Variants in DLG2 observed in about 807,000 individuals in gnomAD.
DLG2 encodes the protein disks large homolog 2.
Under a neutral mutation model 132.5 loss-of-function variants are expected in DLG2, and 45 were observed. That is an observed-to-expected ratio of 0.34 (90% confidence interval 0.27 to 0.44). The LOEUF (loss-of-function observed/expected upper bound fraction) is 0.44, where lower values mean the gene tolerates loss of function less well. Among genes scored for constraint, DLG2 ranks in the 20% least tolerant of loss-of-function variants. The probability of loss-of-function intolerance (pLI) is 1.00; values close to 1 mark genes in which losing one functional copy is unlikely to be tolerated. For missense variants in DLG2, 1,045 were observed against 1,196.9 expected (o/e 0.87, Z 1.87); for synonymous variants, 424 against 419.6 (o/e 1.01, Z -0.13).
At chr11:84,567,475 A>G (rs373618041) in intron 6 of DLG2, among the ~76,000 whole-genome samples, 4 of 152,328 alleles carry the variant, frequency 2.6e-5, no homozygotes, top group African/African-American at 9.6e-5. Context: ...ATCCTCAATC[A>G]TCGTTTCAGG....
At chr11:84,060,890 C>T (rs1209759120) in intron 10 of DLG2, among the ~76,000 whole-genome samples, 1 of 152,130 alleles carries the variant, frequency 6.6e-6, no homozygotes, top group Non-Finnish European at 1.5e-5. Flanking sequence ...TTCATTGCTA[C>T]CACCCTGGTT....
At chr11:84,209,954 T>C (rs2096729700) in intron 8 of DLG2, among the ~76,000 whole-genome samples, 1 of 152,152 alleles carries the variant, frequency 6.6e-6, no homozygotes, top group African/African-American at 2.4e-5. Flanking sequence ...AACACCTATC[T>C]AAGGATCCAG....
intron 3 of DLG2, among the ~76,000 whole-genome samples, chr11:85,497,818 C>T (rs1477052304): frequency 6.6e-6 from 1 of 152,162 alleles, no homozygotes; most frequent in Non-Finnish European, 1.5e-5. Context: ...AATTTCATAT[C>T]CAGCCAAACT....
intron 12 of DLG2, among the ~76,000 whole-genome samples, chr11:83,973,109 A>G (rs1324058429): frequency 3.3e-5 from 5 of 152,170 alleles, no homozygotes; most frequent in Non-Finnish European, 7.4e-5. Context: ...CATTTCTATT[A>G]ATATTAATCA....
At chr11:83,603,073 C>CGT (rs952014927) in intron 19 of DLG2, among the ~76,000 whole-genome samples, 1 of 150,796 alleles carries the variant, frequency 6.6e-6, no homozygotes, top group Non-Finnish European at 1.5e-5. Flanking sequence ...TATGTGTGTT[C>CGT]GTGTGTGTGT....
intron 7 of DLG2, among the ~76,000 whole-genome samples, chr11:84,464,224 C>T (rs955909269): frequency 6.6e-6 from 1 of 151,048 alleles, no homozygotes; most frequent in African/African-American, 2.4e-5. Flanking sequence ...TGCATATTGG[C>T]ATCAGGTACA....
intron 3 of DLG2, among the ~76,000 whole-genome samples, chr11:85,381,696 A>G (rs542859479): frequency 1.3e-5 from 2 of 152,302 alleles, no homozygotes; most frequent in African/African-American, 4.8e-5. Flanking sequence ...CATTAATTGT[A>G]TTTTATATAC....
intron 4 of DLG2, among the ~76,000 whole-genome samples, chr11:85,253,434 A>C (rs937152349): frequency 2.9e-4 from 44 of 152,008 alleles, no homozygotes; most frequent in Non-Finnish European, 5.4e-4. Context: ...GGAGGGGTGA[A>C]CTCCACTCAC....
intron 6 of DLG2, among the ~76,000 whole-genome samples, chr11:84,659,348 T>C (rs1445535527): frequency 1.3e-5 from 2 of 152,144 alleles, no homozygotes; most frequent in African/African-American, 4.8e-5. Flanking sequence ...AGGTCTGCTA[T>C]AATGCCTTTT....
chr11:84,166,832 G>C (rs1194628762), intron 8 of DLG2: 1 of 479,402 alleles, frequency 2.1e-6, no homozygotes, highest in Non-Finnish European at 4.3e-6. Flanking sequence ...ACTTGCCTTG[G>C]TGTCTCATAT....
intron 7 of DLG2, among the ~76,000 whole-genome samples, chr11:84,292,735 A>T (rs2098021712): frequency 6.6e-6 from 1 of 152,256 alleles, no homozygotes; most frequent in East Asian, 1.9e-4. Context: ...CTATATCCAA[A>T]AGGTGGTACT....
chr11:84,039,746 G>T (rs1185181399), intron 11 of DLG2, among the ~76,000 whole-genome samples: 54 of 108,124 alleles, frequency 5.0e-4, no homozygotes, highest in African/African-American at 1.6e-3. Flanking sequence ...GTAATGGGAT[G>T]GCTGGGTCAA....
chr11:84,904,742 A>G (rs1030959644), intron 6 of DLG2, among the ~76,000 whole-genome samples: 1 of 152,200 alleles, frequency 6.6e-6, no homozygotes, highest in African/African-American at 2.4e-5. Flanking sequence ...GGCAAAATAA[A>G]CATTTATGGA....
At chr11:85,609,962 T>C (rs1026104551) in intron 2 of DLG2, among the ~76,000 whole-genome samples, 22 of 152,124 alleles carry the variant, frequency 1.4e-4, no homozygotes, top group Non-Finnish European at 3.2e-4. Context: ...CCCACACCCT[T>C]ATTAGGGAGG....
intron 6 of DLG2, among the ~76,000 whole-genome samples, chr11:85,064,248 T>A (rs1463634270): frequency 6.6e-6 from 1 of 151,864 alleles, no homozygotes; most frequent in African/African-American, 2.4e-5. Flanking sequence ...AAACATTTTA[T>A]CTTTTCAAAA....
At chr11:83,525,706 T>C (rs2140773624) in intron 21 of DLG2, among the ~76,000 whole-genome samples, 1 of 152,324 alleles carries the variant, frequency 6.6e-6, no homozygotes, top group South Asian at 2.1e-4. Context: ...CATGGATCTG[T>C]AGATCACCTC....
chr11:84,801,211 T>C (rs1289141427), intron 6 of DLG2, among the ~76,000 whole-genome samples: 1 of 152,156 alleles, frequency 6.6e-6, no homozygotes, highest in Non-Finnish European at 1.5e-5. Context: ...AGCAGCAATT[T>C]CAACAAAAGC....
intron 9 of DLG2, among the ~76,000 whole-genome samples, chr11:84,143,652 G>C (rs540112226): frequency 5.6e-4 from 85 of 152,198 alleles, no homozygotes; most frequent in Non-Finnish European, 9.6e-4. Flanking sequence ...TCTAACAATT[G>C]CTCAAATGCT....
intron 2 of DLG2, among the ~76,000 whole-genome samples, chr11:85,603,298 C>T (rs1447625944): frequency 6.6e-6 from 1 of 152,102 alleles, no homozygotes; most frequent in Admixed American, 6.5e-5. Flanking sequence ...CTTTCTAACC[C>T]ATCCCTACAC....
Sources: gnomAD v4.1 joint callset for allele counts (sites outside exome capture counted in the v4.1 genomes callset) on GRCh38, gnomAD v4.1.1 for gene constraint, MANE v1.5 for transcripts, NCBI Gene and HGNC (gene_info 2026-07-23, HGNC 2026-07-21) for gene names.